ADAMTS19: variants seen among roughly 807,000 people sequenced by gnomAD.
ADAMTS19 encodes the protein ADAM metallopeptidase with thrombospondin type 1 motif 19.
Under a neutral mutation model 153.3 loss-of-function variants are expected in ADAMTS19, and 93 were observed. The observed-to-expected ratio is 0.61, with a 90% CI of 0.51 to 0.72. The LOEUF is 0.72. Ranked by LOEUF, ADAMTS19 falls within the 30% of genes least tolerant of loss-of-function variation. ADAMTS19 has a pLI of 0.00. For missense variants in ADAMTS19, 1,482 were observed against 1,552.1 expected, an observed-to-expected ratio of 0.95 and a Z score of 0.76; for synonymous variants, 600 against 556.6, an observed-to-expected ratio of 1.08 and a Z score of -1.10.
chr5:129,527,444 T>C (rs2126765180), intron 4 of ADAMTS19, among the ~76,000 whole-genome samples: 1 of 150,984 alleles, frequency 6.6e-6, no homozygotes, highest in South Asian at 2.1e-4. Context: ...TCCTCTAAAA[T>C]GCGATATGTG....
chr5:129,654,268 A>C (rs1275116387), intron 13 of ADAMTS19, 38 bp from the exon 14 acceptor site: 4 of 1,544,946 alleles, frequency 2.6e-6, no homozygotes, highest in Admixed American at 4.4e-5. Flanking sequence ...TTTATGGGGT[A>C]ACTTTTTCTC....
intron 8 of ADAMTS19, among the ~76,000 whole-genome samples, chr5:129,602,187 G>C (rs1391673532): frequency 1.3e-5 from 2 of 152,262 alleles, no homozygotes; most frequent in East Asian, 3.9e-4. Flanking sequence ...CTGCCTCCTG[G>C]GTTCAAGTGA....
intron 8 of ADAMTS19, among the ~76,000 whole-genome samples, chr5:129,610,093 TTATATATA>T (rs10618467): frequency 1.1e-4 from 16 of 150,114 alleles, no homozygotes; most frequent in South Asian, 4.2e-4. Flanking sequence ...GGTAGTGGTA[TTATATATA>T]TATATATATA....
At chr5:129,657,534 C>A (rs1291227669) in intron 14 of ADAMTS19, among the ~76,000 whole-genome samples, 4 of 152,104 alleles carry the variant, frequency 2.6e-5, no homozygotes, top group African/African-American at 9.7e-5. Context: ...GGGAAGTAAA[C>A]ATTATTTACA....
intron 7 of ADAMTS19, among the ~76,000 whole-genome samples, chr5:129,566,129 A>G (rs1753695582): frequency 6.6e-6 from 1 of 152,154 alleles, no homozygotes. Flanking sequence ...GTGCTTTGGG[A>G]CTTTAATATG....
rs1749641314 is a variant in ADAMTS19 at position 129,461,211 on chromosome 5, C to A, written c.201C>A (p.Gly67=). 2 of 1,289,648 alleles carry A rather than the reference C, an allele frequency of 1.6e-6. No homozygotes were observed. Among genetic ancestry groups the A allele is most frequent in the Admixed American group, 4.1e-5 (1 of 24,106 alleles). 79.9% of individuals were successfully genotyped at this position (1,289,648 alleles called of 1,614,324 possible). A position where few individuals can be genotyped will look rare whatever the true frequency, so the allele number is the denominator to read the frequency against. Residue 67 remains glycine (G), a synonymous_variant, in exon 2 of 23, where the codon GGC becomes GGA. Transcript: ENST00000274487. The surrounding 1 kb of genome is among the most constrained non-coding windows in gnomAD (Gnocchi z 4.6). ...AGGSGGSADP[G]WVRGVGGGGS... is the part of the protein sequence containing the mutation. ...GCAGCGGGGGCAGCGCGGACCCGGG[C>A]TGGGTGCGCGGCGTTGGGGGCGGCG...
At chr5:129,684,362 T>A in intron 18 of ADAMTS19, 89 bp downstream of exon 18, 1 of 1,472,676 alleles carries the variant, frequency 6.8e-7, no homozygotes, top group Non-Finnish European at 9.1e-7. Context: ...AAATCCCTAA[T>A]CTGCAATTCC....
At chr5:129,656,651 G>T (rs1338216614) in intron 14 of ADAMTS19, among the ~76,000 whole-genome samples, 1 of 152,178 alleles carries the variant, frequency 6.6e-6, no homozygotes, top group African/African-American at 2.4e-5. Flanking sequence ...ATTTATGTGA[G>T]CATATTTTGA....
At chr5:129,470,613 A>AT (rs1750029455) in intron 2 of ADAMTS19, among the ~76,000 whole-genome samples, 1 of 152,188 alleles carries the variant, frequency 6.6e-6, no homozygotes, top group Admixed American at 6.5e-5. Context: ...CTACACAGAT[A>AT]TTTTTATAGA....
At chr5:129,610,941 T>C (rs1434353816) in intron 8 of ADAMTS19, among the ~76,000 whole-genome samples, 3 of 152,168 alleles carry the variant, frequency 2.0e-5, no homozygotes, top group African/African-American at 7.2e-5. Flanking sequence ...CCACATCCTC[T>C]CCAGCACCTG....
intron 2 of ADAMTS19, among the ~76,000 whole-genome samples, chr5:129,508,469 C>A (rs943723353): frequency 1.3e-5 from 2 of 151,838 alleles, no homozygotes; most frequent in Non-Finnish European, 2.9e-5. Context: ...AGTTTCAACC[C>A]TCTGTCTCAC....
chr5:129,596,521 C>A (rs1581126752), intron 7 of ADAMTS19, 38 bp from the exon 8 acceptor site: 1 of 1,339,798 alleles, frequency 7.5e-7, no homozygotes, highest in Non-Finnish European at 1.0e-6. Flanking sequence ...TTTGCATATT[C>A]ATTCAGACAT....
At chr5:129,589,596 G>T (rs1351993097) in intron 7 of ADAMTS19, among the ~76,000 whole-genome samples, 1 of 151,948 alleles carries the variant, frequency 6.6e-6, no homozygotes, top group Non-Finnish European at 1.5e-5. Context: ...TTATGAAGTG[G>T]TTTCTTTCTC....
At chr5:129,501,733 C>T (rs1426482525) in intron 2 of ADAMTS19, among the ~76,000 whole-genome samples, 2 of 151,684 alleles carry the variant, frequency 1.3e-5, no homozygotes, top group Non-Finnish European at 2.9e-5. Flanking sequence ...ATGAAATTAG[C>T]GTGTGTCCAA....
At chr5:129,600,588 G>A (rs1259279626) in intron 8 of ADAMTS19, among the ~76,000 whole-genome samples, 14 of 151,920 alleles carry the variant, frequency 9.2e-5, no homozygotes, top group Admixed American at 9.2e-4. Context: ...AATCAATACG[G>A]TCCACTAAGT....
At chr5:129,493,311 G>T (rs192925916) in intron 2 of ADAMTS19, among the ~76,000 whole-genome samples, 2 of 151,900 alleles carry the variant, frequency 1.3e-5, no homozygotes, top group African/African-American at 2.4e-5. Flanking sequence ...TTAATTGCTG[G>T]CCAAGAATGA....
At chr5:129,623,682 T>G (rs929667941) in intron 10 of ADAMTS19, among the ~76,000 whole-genome samples, 5 of 152,158 alleles carry the variant, frequency 3.3e-5, no homozygotes, top group Non-Finnish European at 5.9e-5. Flanking sequence ...CCCACCAGTA[T>G]GTAAGCTGCA....
rs1749637288 is a variant in ADAMTS19 at position 129,461,146 on chromosome 5, C to T, written c.136C>T (p.Pro46Ser). 1.4e-6 allele frequency: 2 copies of T among 1,414,314 alleles called. No individual in the cohort carries two copies. Among genetic ancestry groups the T allele is most frequent in the Admixed American group, 5.3e-5 (2 of 38,084 alleles). The allele number at this position is 1,414,314 out of a possible 1,614,324, so 87.6% of individuals were successfully genotyped here. A position where few individuals can be genotyped will look rare whatever the true frequency, so the allele number is the denominator to read the frequency against. Residue 46 changes from proline (P) to serine (S), a missense_variant, in exon 2 of 23, where the codon CCT (proline) becomes TCT (serine). Transcript: ENST00000274487. This position sits in a 1 kb window ranked among gnomAD's most constrained non-coding sequence, Gnocchi z 4.6. ...CCGCGAGGAGTGGGAAGTCGTGTTT[C>T]CTGCGCTCTGGCGCCGGGAGCCGGT... ...PDREEWEVVF[P>S]ALWRREPVDP...
At chr5:129,650,101 G>A (rs1431065764) in intron 13 of ADAMTS19, among the ~76,000 whole-genome samples, 1 of 152,138 alleles carries the variant, frequency 6.6e-6, no homozygotes, top group East Asian at 1.9e-4. Flanking sequence ...AGCCCAGGAG[G>A]CAGAGGTTAC....
Sources: allele counts gnomAD v4.1 joint callset (sites outside exome capture counted in the v4.1 genomes callset), GRCh38; gene constraint gnomAD v4.1.1; non-coding constraint Gnocchi (gnomAD v3.1); transcripts MANE v1.5; gene names NCBI Gene and HGNC (gene_info 2026-07-23, HGNC 2026-07-21).